CEP112: variants seen among roughly 807,000 people sequenced by gnomAD.
CEP112 encodes the protein centrosomal protein 112, also known as centrosomal protein of 112 kDa.
CEP112 carries 127 observed loss-of-function variants against 153.0 expected under a neutral mutation model. The ratio of observed to expected loss-of-function variants is 0.83; its 90% confidence interval spans 0.72 to 0.96. The LOEUF (loss-of-function observed/expected upper bound fraction) is 0.96, where lower values mean the gene tolerates loss of function less well. CEP112 is among the 40% of genes least tolerant of loss of function. The pLI is 0.00. For missense variants in CEP112, 1,089 were observed against 1,101.2 expected (o/e 0.99, Z 0.16); for synonymous variants, 358 against 374.4 (o/e 0.96, Z 0.51).
intron 21 of CEP112, among the ~76,000 whole-genome samples, chr17:65,754,176 A>G (rs905791591): frequency 2.6e-5 from 4 of 152,248 alleles, no homozygotes; most frequent in African/African-American, 7.2e-5. Flanking sequence ...TACTGAAGTA[A>G]CAGATGGCCT....
At position 66,086,790 on chromosome 17, in the gene CEP112, G is replaced by A. The variant is rs564678628; in HGVS notation, c.768+9461C>T. Among the ~76,000 whole-genome samples the A allele has an allele frequency of 1.4e-4, 22 of 151,930 alleles. No homozygotes were observed. The South Asian group carries it at 1.9e-3, about 13-fold the overall frequency. On this transcript the variant is annotated intron_variant, in intron 8 of 26. Coordinates refer to ENST00000535342, the MANE Select transcript of CEP112 (RefSeq NM_001199165.4). ...TATTACCAGTATTTTTTATTTCTAG[G>A]TGTTGATTCTATAGGTGATTTTATT...
intron 22 of CEP112, among the ~76,000 whole-genome samples, chr17:65,748,583 T>G (rs1284345317): frequency 6.6e-6 from 1 of 152,220 alleles, no homozygotes; most frequent in Non-Finnish European, 1.5e-5. Flanking sequence ...GTTAAGTGCT[T>G]TAGTGTGTAC....
intron 24 of CEP112, among the ~76,000 whole-genome samples, chr17:65,654,510 T>C (rs1244432413): frequency 1.3e-5 from 2 of 152,090 alleles, no homozygotes; most frequent in Non-Finnish European, 2.9e-5. Context: ...GGCAAGCGGG[T>C]GGCTGGTGCA....
At chr17:65,905,945 A>C (rs968265547) in intron 19 of CEP112, among the ~76,000 whole-genome samples, 1 of 144,802 alleles carries the variant, frequency 6.9e-6, no homozygotes, top group African/African-American at 2.5e-5. Flanking sequence ...ACTCCGTCTC[A>C]AAAAAAAAAA....
In CEP112 at chr17:65,939,247, G is replaced by A. The variant is rs551761643; in HGVS notation, c.1873-11558C>T. Among the ~76,000 whole-genome samples, 20 of 152,130 alleles carry A rather than the reference G, an allele frequency of 1.3e-4. No homozygotes were observed. In the East Asian group the frequency reaches 2.5e-3, roughly 19 times the overall value. On this transcript the variant is annotated intron_variant, in intron 18 of 26. Coordinates refer to ENST00000535342, the MANE Select transcript of CEP112 (RefSeq NM_001199165.4). ...CAATGAAAAAAATTAAGGAAAACAC[G>A]GGTAGAAACATATCCTGTGTTCTCG...
At chr17:65,977,040 T>C (rs886724026) in intron 17 of CEP112, among the ~76,000 whole-genome samples, 1 of 152,192 alleles carries the variant, frequency 6.6e-6, no homozygotes, top group Admixed American at 6.5e-5. Flanking sequence ...GCCCGGCCAC[T>C]TTTTAAACAA....
At chr17:66,086,105 C>G (rs937075936) in intron 8 of CEP112, among the ~76,000 whole-genome samples, 2 of 151,626 alleles carry the variant, frequency 1.3e-5, no homozygotes, top group African/African-American at 4.9e-5. Context: ...ATAATTATCT[C>G]TGAAGAATGA....
intron 24 of CEP112, among the ~76,000 whole-genome samples, chr17:65,673,340 T>C (rs1049039992): frequency 1.3e-5 from 2 of 152,184 alleles, no homozygotes; most frequent in Admixed American, 6.5e-5. Context: ...CCGCCCTCTT[T>C]TGCCACATTT....
intron 6 of CEP112, among the ~76,000 whole-genome samples, chr17:66,102,984 G>T (rs982684970): frequency 1.3e-5 from 2 of 151,530 alleles, no homozygotes; most frequent in Non-Finnish European, 2.9e-5. Context: ...AGCACTTTGG[G>T]AGGCTGAGCT....
At chr17:65,888,025 AC>A (rs2059344038) in intron 20 of CEP112, among the ~76,000 whole-genome samples, 1 of 151,890 alleles carries the variant, frequency 6.6e-6, no homozygotes, top group South Asian at 2.1e-4. Context: ...CCAGATGTCC[AC>A]GTCTTCCAAA....
At chr17:65,737,033 T>G (rs2050841615) in intron 23 of CEP112, among the ~76,000 whole-genome samples, 1 of 152,142 alleles carries the variant, frequency 6.6e-6, no homozygotes, top group Admixed American at 6.6e-5. Context: ...TCTCCAAAAG[T>G]GTTTGTTAGG....
intron 8 of CEP112, among the ~76,000 whole-genome samples, chr17:66,092,696 AAGAATATAAAGATACTTTAAC>A (rs1437958659): frequency 1.3e-5 from 2 of 152,348 alleles, no homozygotes; most frequent in East Asian, 3.9e-4. Flanking sequence ...AATTCATCCC[AAGAATATAAAGATACTTTAAC>A]ATATGCAAAT....
intron 4 of CEP112, among the ~76,000 whole-genome samples, chr17:66,149,880 G>GTTTTTTTTTTTTTTTT (rs1568549274): frequency 1.8e-4 from 11 of 60,738 alleles, no homozygotes; most frequent in African/African-American, 3.2e-4. Flanking sequence ...TTTTTTTTTT[G>GTTTTTTTTTTTTTTTT]TTTGTTTGTT....
At chr17:65,786,099 T>C (rs970951783) in intron 21 of CEP112, among the ~76,000 whole-genome samples, 1 of 152,214 alleles carries the variant, frequency 6.6e-6, no homozygotes, top group African/African-American at 2.4e-5. Flanking sequence ...TTTTCATTGA[T>C]GTTTTGTAGT....
chr17:65,784,933 A>G (rs1032434153), intron 21 of CEP112, among the ~76,000 whole-genome samples: 2 of 152,202 alleles, frequency 1.3e-5, no homozygotes, highest in Non-Finnish European at 2.9e-5. Context: ...ATCACCTCAA[A>G]AAAACAAAAA....
chr17:66,156,757 T>C (rs149141354), intron 4 of CEP112, among the ~76,000 whole-genome samples: 5,175 of 151,960 alleles, frequency 0.034, 132 homozygotes, highest in Middle Eastern at 0.061. Flanking sequence ...AATAGCCAAA[T>C]TGATCAAGCG....
intron 1 of CEP112, among the ~76,000 whole-genome samples, chr17:66,188,575 T>G (rs1178169812): frequency 1.1e-5 from 1 of 88,368 alleles, no homozygotes; most frequent in Non-Finnish European, 2.5e-5. Context: ...GTACAGCATT[T>G]ATCATGCTGT....
At chr17:65,676,003 CAG>C (rs1163466566) in intron 24 of CEP112, among the ~76,000 whole-genome samples, 1 of 152,096 alleles carries the variant, frequency 6.6e-6, no homozygotes, top group Non-Finnish European at 1.5e-5. Context: ...AATTGTATTT[CAG>C]TATGTCAGCA....
At chr17:65,976,436 T>C (rs572040730) in intron 17 of CEP112, among the ~76,000 whole-genome samples, 1 of 139,334 alleles carries the variant, frequency 7.2e-6, no homozygotes, top group East Asian at 1.9e-4. Flanking sequence ...TAGTTGTTTA[T>C]AGTAGTTTAT....
Sources: gnomAD v4.1 joint callset for allele counts (sites outside exome capture counted in the v4.1 genomes callset) on GRCh38, gnomAD v4.1.1 for gene constraint, MANE v1.5 for transcripts, NCBI Gene and HGNC (gene_info 2026-07-23, HGNC 2026-07-21) for gene names.